Variants in ERAP1 observed in about 807,000 individuals in gnomAD.
ERAP1 encodes the protein endoplasmic reticulum aminopeptidase 1.
In ERAP1, 86 loss-of-function variants were observed where a neutral mutation model predicts 103.7. The observed-to-expected ratio is 0.83, with a 90% CI of 0.70 to 0.99. The LOEUF (loss-of-function observed/expected upper bound fraction) is 0.99. Ranked by LOEUF, ERAP1 falls within the 50% of genes least tolerant of loss-of-function variation. The pLI is 0.00. For synonymous variants in ERAP1, 398 were observed against 402.4 expected, an observed-to-expected ratio of 0.99 and a Z score of 0.13; for missense variants, 1,009 against 1,128.4, an observed-to-expected ratio of 0.89 and a Z score of 1.52.
At chr5:96,789,774 G>C in intron 10 of ERAP1, among the ~76,000 whole-genome samples, 1 of 152,168 alleles carries the variant, frequency 6.6e-6, no homozygotes, top group Non-Finnish European at 1.5e-5. Flanking sequence ...TCTCTGCTCT[G>C]CAATTTACCA....
chr5:96,886,009 C>T, the ERAP1 span, among the ~76,000 whole-genome samples: 1 of 152,216 alleles, frequency 6.6e-6, no homozygotes, highest in Admixed American at 6.5e-5. Flanking sequence ...TAAAATAAGA[C>T]CATGACTCAA....
the ERAP1 span, among the ~76,000 whole-genome samples, chr5:96,871,231 C>G: frequency 6.6e-6 from 1 of 152,220 alleles, no homozygotes; most frequent in Middle Eastern, 3.2e-3. Flanking sequence ...CCTGGAACCT[C>G]TCTCAAGGCA....
the ERAP1 span, among the ~76,000 whole-genome samples, chr5:96,904,946 C>T: frequency 2.0e-5 from 3 of 152,110 alleles, no homozygotes; most frequent in Admixed American, 1.3e-4. Context: ...GGTATTACCT[C>T]TTCACTTACT....
the ERAP1 span, among the ~76,000 whole-genome samples, chr5:96,899,759 T>C: frequency 8.4e-3 from 1,275 of 152,282 alleles, 7 homozygotes; most frequent in Non-Finnish European, 0.012. Context: ...GCCTACATGC[T>C]AAATAGGGGC....
chr5:96,894,514 AG>A, the ERAP1 span, among the ~76,000 whole-genome samples: 7 of 32,372 alleles, frequency 2.2e-4, no homozygotes, highest in Non-Finnish European at 4.2e-4. Context: ...CTAGATGTGC[AG>A]TATTAGGCAT....
intron 18 of ERAP1, 42 bp from the exon 19 acceptor site, chr5:96,776,593 C>T (rs1774346818): frequency 1.2e-6 from 2 of 1,603,602 alleles, no homozygotes; most frequent in Non-Finnish European, 1.7e-6. Context: ...AATTTTATCA[C>T]ATTAATCAGA....
the ERAP1 span, chr5:96,889,300 A>G: frequency 6.2e-7 from 1 of 1,613,964 alleles, no homozygotes; most frequent in Non-Finnish European, 8.5e-7. Flanking sequence ...CCACTCTCCA[A>G]ACTGGGTATG....
chr5:96,877,355 G>A, the ERAP1 span, among the ~76,000 whole-genome samples: 2 of 152,220 alleles, frequency 1.3e-5, no homozygotes, highest in Non-Finnish European at 2.9e-5. Flanking sequence ...AAGACTGTGT[G>A]AGTAAAGCTT....
intron 18 of ERAP1, among the ~76,000 whole-genome samples, chr5:96,780,221 C>T (rs11749811): frequency 0.091 from 13,913 of 152,206 alleles, 838 homozygotes; most frequent in Middle Eastern, 0.16. Flanking sequence ...GACCTCTTAA[C>T]GTGTCTGAGA....
chr5:96,850,522 A>G, the ERAP1 span, among the ~76,000 whole-genome samples: 1 of 152,216 alleles, frequency 6.6e-6, no homozygotes, highest in African/African-American at 2.4e-5. Flanking sequence ...CAAAATGCAA[A>G]TCAAAACCAG....
the ERAP1 span, chr5:96,889,482 C>T: frequency 1.3e-6 from 1 of 745,936 alleles, no homozygotes; most frequent in Non-Finnish European, 2.4e-6. Flanking sequence ...ATATTTATGA[C>T]ATGCCCCAAC....
the ERAP1 span, among the ~76,000 whole-genome samples, chr5:96,864,749 G>T: frequency 6.6e-6 from 1 of 152,044 alleles, no homozygotes; most frequent in African/African-American, 2.4e-5. Flanking sequence ...TCTTGAAAAT[G>T]CAAGTTCAAT....
At chr5:96,878,790 TG>T in the ERAP1 span, among the ~76,000 whole-genome samples, 1 of 151,986 alleles carries the variant, frequency 6.6e-6, no homozygotes, top group Non-Finnish European at 1.5e-5. Flanking sequence ...TAGCTGGGTG[TG>T]GTGGCACATA....
chr5:96,852,719 C>T, the ERAP1 span, among the ~76,000 whole-genome samples: 4 of 152,120 alleles, frequency 2.6e-5, no homozygotes, highest in South Asian at 2.1e-4. Context: ...TTTAAAATCC[C>T]GTAGTTTTAA....
the ERAP1 span, among the ~76,000 whole-genome samples, chr5:96,931,149 T>C: frequency 1.3e-5 from 2 of 151,388 alleles, no homozygotes; most frequent in Non-Finnish European, 2.9e-5. Flanking sequence ...AGGCCAGTTC[T>C]GGGAAATCTT....
At chr5:96,782,573 A>G (rs547890030) in intron 15 of ERAP1, among the ~76,000 whole-genome samples, 1 of 152,306 alleles carries the variant, frequency 6.6e-6, no homozygotes, top group African/African-American at 2.4e-5. Flanking sequence ...TTGTTGGCAT[A>G]AATGTTTCCT....
intron 3 of ERAP1, among the ~76,000 whole-genome samples, chr5:96,799,157 C>T (rs1777702041): frequency 6.6e-6 from 1 of 152,118 alleles, no homozygotes; most frequent in Non-Finnish European, 1.5e-5. Context: ...TGAGCCACCA[C>T]ACCTGGCCAA....
the ERAP1 span, chr5:96,896,965 T>TAAGTCATATGTTGGGTAACGATAGACTA: frequency 4.0e-6 from 4 of 987,684 alleles, no homozygotes; most frequent in East Asian, 3.1e-5. Context: ...GTCAACCATA[T>TAAGTCATATGTTGGGTAACGATAGACTA]TTATTCTGCT....
At chr5:96,905,586 T>C in the ERAP1 span, among the ~76,000 whole-genome samples, 1 of 152,178 alleles carries the variant, frequency 6.6e-6, no homozygotes, top group Admixed American at 6.5e-5. Flanking sequence ...GAAACTTCAA[T>C]TTAAGAATTA....
Sources: gnomAD v4.1 joint callset for allele counts (sites outside exome capture counted in the v4.1 genomes callset) on GRCh38, gnomAD v4.1.1 for gene constraint, MANE v1.5 for transcripts, NCBI Gene and HGNC (gene_info 2026-07-23, HGNC 2026-07-21) for gene names.